Variants in DENND4A observed in about 807,000 individuals in gnomAD.
DENND4A encodes the protein DENN domain containing 4A, also known as C-myc promoter-binding protein.
Under a neutral mutation model 199.3 loss-of-function variants are expected in DENND4A, and 70 were observed. That is an observed-to-expected ratio of 0.35 (90% CI 0.29 to 0.43). The LOEUF is 0.43. Among genes scored for constraint, DENND4A ranks in the 20% least tolerant of loss-of-function variants. DENND4A has a pLI of 1.00. For missense variants in DENND4A, 1,723 were observed against 2,255.8 expected (o/e 0.76, Z 4.78); for synonymous variants, 686 against 766.9 (o/e 0.89, Z 1.74).
chr15:65,781,011 G>A (rs976336392), intron 1 of DENND4A, among the ~76,000 whole-genome samples: 5 of 152,194 alleles, frequency 3.3e-5, no homozygotes, highest in African/African-American at 7.2e-5. Context: ...CCAGGCAAGA[G>A]TATGGATCTG....
At chr15:65,748,993 T>C (rs1354838632) in intron 4 of DENND4A, among the ~76,000 whole-genome samples, 1 of 112,908 alleles carries the variant, frequency 8.9e-6, no homozygotes, top group African/African-American at 3.3e-5. Context: ...ACCCTGTCTC[T>C]AAAAAAAAAA....
chr15:65,716,319 T>C (rs2075398947), intron 13 of DENND4A, among the ~76,000 whole-genome samples: 1 of 151,760 alleles, frequency 6.6e-6, no homozygotes, highest in Admixed American at 6.6e-5. Flanking sequence ...TATGTATACA[T>C]GTGCCATGTT....
At chr15:65,738,562 C>G in intron 6 of DENND4A, 144 bp downstream of exon 6, 1 of 654,890 alleles carries the variant, frequency 1.5e-6, no homozygotes, top group Non-Finnish European at 2.4e-6. Flanking sequence ...TTTCCTATGT[C>G]CCTGGATACA....
At chr15:65,699,281 T>C (rs551625576) in intron 20 of DENND4A, among the ~76,000 whole-genome samples, 296 of 152,306 alleles carry the variant, frequency 1.9e-3, no homozygotes, top group African/African-American at 6.9e-3. Context: ...GGGGCCTTCA[T>C]ATTTTATTAG....
At chr15:65,677,289 A>C (rs1303566377) in intron 23 of DENND4A, among the ~76,000 whole-genome samples, 5 of 152,164 alleles carry the variant, frequency 3.3e-5, no homozygotes, top group Admixed American at 3.3e-4. Context: ...AGCTCACTGC[A>C]GCCTCTGCCT....
intron 1 of DENND4A, among the ~76,000 whole-genome samples, chr15:65,777,594 C>G (rs2077317162): frequency 6.6e-6 from 1 of 152,150 alleles, no homozygotes; most frequent in African/African-American, 2.4e-5. Flanking sequence ...CTCAAGTGAC[C>G]TGCCTGCCTT....
At chr15:65,713,808 C>G (rs1208130946) in intron 14 of DENND4A, among the ~76,000 whole-genome samples, 1 of 152,166 alleles carries the variant, frequency 6.6e-6, no homozygotes, top group Non-Finnish European at 1.5e-5. Context: ...TTGCCCTAAA[C>G]CTGGGGCTGG....
intron 31 of DENND4A, 77 bp from the exon 32 acceptor site, chr15:65,664,471 C>T: frequency 2.6e-6 from 4 of 1,520,510 alleles, no homozygotes; most frequent in Non-Finnish European, 3.6e-6. Flanking sequence ...TTAATGCTAT[C>T]ATAAGCATGA....
chr15:65,729,286 A>T (rs145476454), intron 10 of DENND4A, 39 bp from the exon 11 acceptor site: 6 of 1,544,490 alleles, frequency 3.9e-6, no homozygotes, highest in Non-Finnish European at 5.3e-6. Flanking sequence ...TTAGCTTTTT[A>T]ACACTGAAGC....
chr15:65,661,955 C>A lies in DENND4A; in HGVS notation c.5620G>T (p.Asp1874Tyr), dbSNP rs754827757. 6.2e-7 allele frequency: 1 copy of A among 1,612,874 alleles called. No homozygotes were observed. Among genetic ancestry groups the A allele is most frequent in the African/African-American group, 1.3e-5 (1 of 74,990 alleles). Residue 1874 changes from aspartate to tyrosine, a missense_variant, in exon 33 of 33, where the codon GAT becomes TAT. Around this residue, in one of 6 missense-constraint regions of DENND4A, gnomAD observed 164 missense variants for 280.1 expected, o/e 0.59. Transcript: ENST00000443035. ...AFDKEYKMAY[D>Y]RLTPSQVKST... The stretch of plus-strand genomic sequence containing the variant: ...TTGACTTGACTAGGTGTGAGACGAT[C>A]GTATGCCATCTTGTACTCTTTATCA...
intron 1 of DENND4A, among the ~76,000 whole-genome samples, chr15:65,770,319 A>C (rs577611586): frequency 6.6e-6 from 1 of 152,306 alleles, no homozygotes; most frequent in Non-Finnish European, 1.5e-5. Flanking sequence ...AGTCCTCTTC[A>C]TAAATTTTGG....
chr15:65,761,205 T>C (rs1244687026), intron 2 of DENND4A, among the ~76,000 whole-genome samples, 155 bp downstream of exon 2: 1 of 152,220 alleles, frequency 6.6e-6, no homozygotes, highest in East Asian at 1.9e-4. Flanking sequence ...GAGACATCTT[T>C]CAATGAATTA....
At chr15:65,791,386 C>A (rs1291470384) in intron 1 of DENND4A, among the ~76,000 whole-genome samples, 1 of 151,958 alleles carries the variant, frequency 6.6e-6, no homozygotes, top group Non-Finnish European at 1.5e-5. Context: ...GTTTTTCCTG[C>A]CCCCCACCTC....
chr15:65,689,646 C>A (rs902219903), intron 23 of DENND4A, among the ~76,000 whole-genome samples: 6 of 152,176 alleles, frequency 3.9e-5, no homozygotes, highest in African/African-American at 1.4e-4. Flanking sequence ...TATTATGATT[C>A]CAGTACCATG....
chr15:65,716,934 C>A (rs1014713026), intron 13 of DENND4A, among the ~76,000 whole-genome samples: 5 of 152,088 alleles, frequency 3.3e-5, no homozygotes, highest in Non-Finnish European at 7.4e-5. Flanking sequence ...TAATGATTGC[C>A]ATTCTAACTG....
chr15:65,689,619 C>T (rs551077972), intron 23 of DENND4A, among the ~76,000 whole-genome samples: 61 of 152,218 alleles, frequency 4.0e-4, no homozygotes, highest in Non-Finnish European at 8.4e-4. Context: ...CTCCCTCTGG[C>T]AGCTCCTGAA....
chr15:65,747,381 A>C (rs1443787066), intron 4 of DENND4A, among the ~76,000 whole-genome samples: 1 of 152,218 alleles, frequency 6.6e-6, no homozygotes, highest in African/African-American at 2.4e-5. Flanking sequence ...AACTCTTTCT[A>C]TAAGCTTAAT....
At chr15:65,741,610 C>A in intron 5 of DENND4A, 105 bp downstream of exon 5, 1 of 789,492 alleles carries the variant, frequency 1.3e-6, no homozygotes, top group Admixed American at 2.4e-5. Context: ...GGATTGTAGT[C>A]CCAGTCCTGA....
At chr15:65,720,411 G>A (rs1464237222) in intron 12 of DENND4A, among the ~76,000 whole-genome samples, 1 of 146,728 alleles carries the variant, frequency 6.8e-6, no homozygotes, top group East Asian at 2.6e-4. Context: ...AGAAAGCCTA[G>A]GATTTTTTTT....
Sources: allele counts gnomAD v4.1 joint callset (sites outside exome capture counted in the v4.1 genomes callset), GRCh38; gene constraint gnomAD v4.1.1; regional missense constraint gnomAD v4.1.1; transcripts MANE v1.5; gene names NCBI Gene and HGNC (gene_info 2026-07-23, HGNC 2026-07-21).